Variants in ZNF385D observed in about 807,000 individuals in gnomAD.
ZNF385D encodes the protein zinc finger protein 385D, also known as zinc finger protein 659.
Under a neutral mutation model 35.8 loss-of-function variants are expected in ZNF385D, and 15 were observed. That is an observed-to-expected ratio of 0.42 (90% CI 0.28 to 0.64). The LOEUF is 0.64. ZNF385D is among the 30% of genes least tolerant of loss of function. ZNF385D has a pLI of 0.23. For missense variants in ZNF385D, 474 were observed against 494.6 expected, an observed-to-expected ratio of 0.96 and a Z score of 0.39; for synonymous variants, 212 against 186.8, an observed-to-expected ratio of 1.13 and a Z score of -1.10.
intron 3 of ZNF385D, among the ~76,000 whole-genome samples, chr3:21,911,667 T>C (rs1312682000): frequency 7.5e-6 from 1 of 132,458 alleles, no homozygotes; most frequent in East Asian, 2.9e-4. Context: ...AAGGCATACA[T>C]TTTTTTATTA....
chr3:21,764,251 C>T (rs1253646359), intron 3 of ZNF385D, among the ~76,000 whole-genome samples: 4 of 151,962 alleles, frequency 2.6e-5, no homozygotes, highest in South Asian at 2.1e-4. Flanking sequence ...AGAAGATGCT[C>T]AATAAGGAAA....
intron 1 of ZNF385D, among the ~76,000 whole-genome samples, chr3:21,672,039 G>A (rs1391534544): frequency 6.6e-6 from 1 of 152,104 alleles, no homozygotes; most frequent in Non-Finnish European, 1.5e-5. Context: ...CAAGGTTGTT[G>A]GTTGGGGATA....
intron 3 of ZNF385D, among the ~76,000 whole-genome samples, chr3:22,028,476 G>A (rs1296104782): frequency 6.6e-6 from 1 of 152,212 alleles, no homozygotes; most frequent in Non-Finnish European, 1.5e-5. Context: ...CCAACACTGA[G>A]CCCTCAATAT....
chr3:22,251,309 A>C (rs1424141532), intron 2 of ZNF385D, among the ~76,000 whole-genome samples: 1 of 152,090 alleles, frequency 6.6e-6, no homozygotes, highest in Non-Finnish European at 1.5e-5. Context: ...TCTTGTTTTA[A>C]GTTCTATAAG....
At chr3:21,905,195 A>T (rs1302446320) in intron 3 of ZNF385D, among the ~76,000 whole-genome samples, 1 of 144,814 alleles carries the variant, frequency 6.9e-6, no homozygotes, top group East Asian at 2.1e-4. Context: ...TGGTCCAGTA[A>T]CAAAAAATCC....
intron 3 of ZNF385D, among the ~76,000 whole-genome samples, chr3:21,823,857 T>TC (rs1306801908): frequency 6.6e-6 from 1 of 152,186 alleles, no homozygotes; most frequent in Admixed American, 6.5e-5. Flanking sequence ...CCCAAGGAGT[T>TC]CCCATTGCTT....
At chr3:21,606,040 A>C (rs1460612719) in intron 2 of ZNF385D, among the ~76,000 whole-genome samples, 1 of 152,178 alleles carries the variant, frequency 6.6e-6, no homozygotes, top group East Asian at 1.9e-4. Flanking sequence ...TAGGGGACTC[A>C]GTCTATGGCT....
chr3:22,371,699 T>C (rs1308402416), intron 2 of ZNF385D, among the ~76,000 whole-genome samples: 2 of 152,182 alleles, frequency 1.3e-5, no homozygotes, highest in Non-Finnish European at 2.9e-5. Flanking sequence ...TACACAACTC[T>C]GTGCTCTCTT....
At chr3:21,963,601 T>C (rs1702716819) in intron 3 of ZNF385D, among the ~76,000 whole-genome samples, 1 of 152,322 alleles carries the variant, frequency 6.6e-6, no homozygotes, top group African/African-American at 2.4e-5. Context: ...GTTTCATACT[T>C]TCCTGCCGCT....
At chr3:22,304,611 A>G (rs913876827) in intron 2 of ZNF385D, among the ~76,000 whole-genome samples, 22 of 152,126 alleles carry the variant, frequency 1.4e-4, no homozygotes, top group African/African-American at 5.3e-4. Context: ...TCCAGCACCA[A>G]TTTTGATAAT....
At chr3:22,028,616 T>A (rs1029232569) in intron 3 of ZNF385D, among the ~76,000 whole-genome samples, 1 of 152,224 alleles carries the variant, frequency 6.6e-6, no homozygotes, top group Non-Finnish European at 1.5e-5. Flanking sequence ...TGGGTTTGCC[T>A]ATCCTGCACA....
intron 1 of ZNF385D, among the ~76,000 whole-genome samples, chr3:21,667,306 C>T (rs752291795): frequency 3.3e-5 from 5 of 152,038 alleles, no homozygotes; most frequent in Non-Finnish European, 7.4e-5. Context: ...GGACTACAGG[C>T]GCATGCCACC....
intron 3 of ZNF385D, among the ~76,000 whole-genome samples, chr3:21,772,414 A>T (rs2071115708): frequency 6.6e-6 from 1 of 151,910 alleles, no homozygotes; most frequent in Non-Finnish European, 1.5e-5. Flanking sequence ...TAGAAAATGG[A>T]CAAAGAACTT....
At chr3:21,955,108 A>T (rs1702226773) in intron 3 of ZNF385D, among the ~76,000 whole-genome samples, 1 of 152,180 alleles carries the variant, frequency 6.6e-6, no homozygotes, top group African/African-American at 2.4e-5. Context: ...CATTGTGAAA[A>T]GGTATGACAA....
intron 2 of ZNF385D, among the ~76,000 whole-genome samples, chr3:21,631,044 G>A (rs1310841474): frequency 6.6e-6 from 1 of 152,070 alleles, no homozygotes; most frequent in African/African-American, 2.4e-5. Context: ...GTTCTAAAAG[G>A]ATATTTATAT....
At chr3:21,739,509 C>T (rs892762208) in intron 1 of ZNF385D, among the ~76,000 whole-genome samples, 4 of 152,040 alleles carry the variant, frequency 2.6e-5, no homozygotes, top group South Asian at 2.1e-4. Flanking sequence ...TAAACAAGGT[C>T]GACAGGAACA....
At chr3:21,669,982 A>T (rs948090615) in intron 1 of ZNF385D, among the ~76,000 whole-genome samples, 1 of 152,176 alleles carries the variant, frequency 6.6e-6, no homozygotes, top group Non-Finnish European at 1.5e-5. Context: ...TTCGTCAGTC[A>T]CAGACATCCT....
chr3:21,856,819 T>A lies in ZNF385D; in HGVS notation c.326-191791A>T, dbSNP rs565991073. Among the ~76,000 whole-genome samples the A allele has an allele frequency of 2.0e-5, 3 of 152,206 alleles. No individual in the cohort carries two copies. In the East Asian group the frequency reaches 5.8e-4, roughly 30 times the overall value. ...AATAATGACCTATTCAACAAATAAATGCAAGGCAATGTCCTTAAATTACGG... is the reference window on the plus strand; with the variant it reads ...AATAATGACCTATTCAACAAATAAAAGCAAGGCAATGTCCTTAAATTACGG... On this transcript the variant is annotated intron_variant, in intron 3 of 5. Transcript: ENST00000494108.
At chr3:22,292,871 G>A (rs749909815) in intron 2 of ZNF385D, among the ~76,000 whole-genome samples, 54 of 152,236 alleles carry the variant, frequency 3.5e-4, no homozygotes, top group Middle Eastern at 6.8e-3. Context: ...AGCAGCTGCT[G>A]TAATTGTCCC....
Sources: gnomAD v4.1 joint callset for allele counts (sites outside exome capture counted in the v4.1 genomes callset) on GRCh38, gnomAD v4.1.1 for gene constraint, MANE v1.5 for transcripts, NCBI Gene and HGNC (gene_info 2026-07-23, HGNC 2026-07-21) for gene names.